The following COPB1 variants were observed in gnomAD, a reference collection of about 807,000 sequenced individuals.
COPB1 encodes the protein coatomer subunit beta.
Under a neutral mutation model 108.7 loss-of-function variants are expected in COPB1, and 21 were observed. The observed-to-expected ratio is 0.19, with a 90% CI of 0.14 to 0.28. The LOEUF (loss-of-function observed/expected upper bound fraction) is 0.28, where lower values mean the gene tolerates loss of function less well. Among genes scored for constraint, COPB1 ranks in the 10% least tolerant of loss-of-function variants. The pLI is 1.00. For synonymous variants in COPB1, 378 were observed against 386.8 expected, an observed-to-expected ratio of 0.98 and a Z score of 0.27; for missense variants, 919 against 1,141.3, an observed-to-expected ratio of 0.81 and a Z score of 2.81.
chr11:14,494,163 C>T lies in COPB1; in HGVS notation c.321+47G>A, dbSNP rs779975585. The T allele has an allele frequency of 3.0e-6, 4 of 1,319,170 alleles. No homozygotes were observed. The African/African-American group carries it at 5.9e-5, about 19-fold the overall frequency. 81.7% of individuals were successfully genotyped at this position (1,319,170 alleles called of 1,614,324 possible). A position where few individuals can be genotyped will look rare whatever the true frequency, so the allele number is the denominator to read the frequency against. ...AACACAGCCCATTCTACCAATTTTACATTTAAATTCAAAGCAATATTCAGA... is the reference window on the plus strand; with the variant it reads ...AACACAGCCCATTCTACCAATTTTATATTTAAATTCAAAGCAATATTCAGA... On this transcript the variant is annotated intron_variant, in intron 3 of 21. Coordinates refer to ENST00000439561, the MANE Select transcript of COPB1 (RefSeq NM_001144061.2).
At chr11:14,471,780 G>A (rs1850408510) in intron 14 of COPB1, among the ~76,000 whole-genome samples, 1 of 152,128 alleles carries the variant, frequency 6.6e-6, no homozygotes, top group South Asian at 2.1e-4. Flanking sequence ...AAATTAGACA[G>A]GCGTGGTGGC....
intron 4 of COPB1, among the ~76,000 whole-genome samples, chr11:14,492,600 C>T (rs1423800858): frequency 1.3e-5 from 2 of 151,942 alleles, no homozygotes; most frequent in Non-Finnish European, 2.9e-5. Flanking sequence ...GCCTCGGCCT[C>T]CCAAAGTGCT....
intron 6 of COPB1, among the ~76,000 whole-genome samples, chr11:14,487,537 C>G (rs373265032): frequency 6.6e-6 from 1 of 151,694 alleles, no homozygotes; most frequent in Non-Finnish European, 1.5e-5. Context: ...TAGCTGGATA[C>G]GGTGGCGTGC....
intron 2 of COPB1, among the ~76,000 whole-genome samples, chr11:14,498,098 C>A (rs746721576): frequency 6.6e-6 from 1 of 151,956 alleles, no homozygotes; most frequent in Non-Finnish European, 1.5e-5. Flanking sequence ...GAGTTAGACC[C>A]GATATTTGAT....
rs371443706 is a variant in COPB1 at position 14,488,601 on chromosome 11, T to C, written c.607-17A>G. 5.2e-5 allele frequency: 80 copies of C among 1,543,520 alleles called. No homozygotes were observed. Among genetic ancestry groups the C allele is most frequent in the South Asian group, 5.1e-4 (44 of 85,938 alleles). On this transcript the variant is annotated splice_polypyrimidine_tract_variant and intron_variant, in intron 5 of 21. Transcript: ENST00000439561. ...AGCTCGATCCTAAAAAAAATAAGAA[T>C]ATATTTATCATTCTCCACCTCATTC...
At position 14,479,707 on chromosome 11, in the gene COPB1, T is replaced by G; in HGVS notation, c.1220A>C (p.Glu407Ala). Residue 407 changes from glutamate to alanine, a missense_variant, in exon 11 of 22, where the codon GAA becomes GCA. Physicochemically the swap from Glu to Ala is moderately radical, Grantham distance 107. Transcript: ENST00000439561. ...MAANVIPVLM[E>A]FLSDNNEAAA... ...TGCTTCGTTGTTGTCACTGAGAAATTCCATTAACTAAAAGAAAAAAAAAAA... is the reference window on the plus strand; with the variant it reads ...TGCTTCGTTGTTGTCACTGAGAAATGCCATTAACTAAAAGAAAAAAAAAAA... 1 of 1,563,488 alleles carries G rather than the reference T, an allele frequency of 6.4e-7. No individual in the cohort carries two copies. The highest frequency in any genetic ancestry group is 8.6e-7 in the Non-Finnish European group (1 of 1,162,426).
rs573153365 is a variant in COPB1 at position 14,483,223 on chromosome 11, G to A, written c.838-72C>T. 62 of 938,452 alleles carry A rather than the reference G, an allele frequency of 6.6e-5. 1 individual carries two copies. The highest frequency in any genetic ancestry group is 1.0e-4 in the African/African-American group (5 of 49,768). The allele number at this position is 938,452 out of a possible 1,614,324, so 58.1% of individuals were successfully genotyped here. On this transcript the variant is annotated intron_variant, in intron 7 of 21. Coordinates refer to ENST00000439561, the MANE Select transcript of COPB1 (RefSeq NM_001144061.2). ...AAAATTTGAAAATAAGCATGCGCGC[G>A]CACACCACACACACACACACACACA...
Position 14,460,309 on chromosome 11 carries a change from A to G in COPB1, c.2557-12T>C, listed in dbSNP as rs778452025. The G allele has an allele frequency of 4.0e-6, 6 of 1,515,752 alleles. No individual in the cohort carries two copies. The South Asian group carries it at 4.7e-5, about 12-fold the overall frequency. 93.9% of individuals were successfully genotyped at this position (1,515,752 alleles called of 1,614,324 possible). A position where few individuals can be genotyped will look rare whatever the true frequency, so the allele number is the denominator to read the frequency against. ...GTGTTAACTGTCACCTGTAGAGAGG[A>G]AAAAAAAGTCAAGGAGATCATAAAT... On this transcript the variant is annotated splice_polypyrimidine_tract_variant and intron_variant, in intron 19 of 21. Coordinates refer to ENST00000439561, the MANE Select transcript of COPB1 (RefSeq NM_001144061.2).
Position 14,494,415 on chromosome 11 carries a change from G to C in COPB1, c.116C>G (p.Thr39Ser). 1 of 1,582,940 alleles carries C rather than the reference G, an allele frequency of 6.3e-7. No individual in the cohort carries two copies. The highest frequency in any genetic ancestry group is 8.6e-7 in the Non-Finnish European group (1 of 1,159,492). ...DLEKGDVKSK[T>S]EALKKVIIMI... is the part of the protein sequence containing the mutation. Reference sequence around the variant, plus strand: ...AATGATTACTTTCTTCAAAGCTTCAGTCTTTGACTTTACATCTCCTTTTTC... The same window carrying C: ...AATGATTACTTTCTTCAAAGCTTCACTCTTTGACTTTACATCTCCTTTTTC... The change falls in exon 3 of 22, where the codon ACT becomes AGT. Residue 39 changes from threonine to serine, a missense_variant. This residue lies in a region of COPB1 where 92 missense variants were observed against 108.4 expected (regional missense o/e 0.85). Transcript: ENST00000439561.
chr11:14,461,150 G>T, intron 19 of COPB1, 36 bp downstream of exon 19: 1 of 1,613,418 alleles, frequency 6.2e-7, no homozygotes, highest in South Asian at 1.1e-5. Flanking sequence ...AAGGAAGAAA[G>T]ATAAAGGAAT....
chr11:14,464,634 T>C (rs1187899188), intron 18 of COPB1, among the ~76,000 whole-genome samples: 1 of 152,082 alleles, frequency 6.6e-6, no homozygotes, highest in Non-Finnish European at 1.5e-5. Context: ...TCAAAGCATA[T>C]GGTATATAAA....
chr11:14,469,350 T>C lies in COPB1; in HGVS notation c.1951A>G (p.Lys651Glu), dbSNP rs1477900571. The C allele has an allele frequency of 6.2e-7, 1 of 1,613,828 alleles. No homozygotes were observed. Among genetic ancestry groups the C allele is most frequent in the Non-Finnish European group, 8.5e-7 (1 of 1,179,768 alleles). ...HMLSAKLEEE[K>E]LSQKKESEKR... ...ATATACCTTACCTTTTGGGATAATT[T>C]CTCTTCTTCTAGTTTAGCAGATAAC... Residue 651 changes from lysine to glutamate, a missense_variant, in exon 15 of 22, where the codon AAA (lysine) becomes GAA (glutamate). Around this residue, in one of 5 missense-constraint regions of COPB1, gnomAD observed 705 missense variants for 817.8 expected, o/e 0.86. Coordinates refer to ENST00000439561, the MANE Select transcript of COPB1 (RefSeq NM_001144061.2).
At chr11:14,471,152 T>A (rs1318337601) in intron 14 of COPB1, among the ~76,000 whole-genome samples, 1 of 152,204 alleles carries the variant, frequency 6.6e-6, no homozygotes, top group Non-Finnish European at 1.5e-5. Flanking sequence ...CCAACAAATC[T>A]GCACTATAAG....
chr11:14,486,225 TA>T, intron 7 of COPB1, 141 bp downstream of exon 7: 1 of 939,314 alleles, frequency 1.1e-6, no homozygotes, highest in Non-Finnish European at 1.6e-6. Flanking sequence ...CTGAACAATG[TA>T]AGGCATCAAA....
At chr11:14,483,228 C>CA in intron 7 of COPB1, 77 bp from the exon 8 acceptor site, 1 of 502,834 alleles carries the variant, frequency 2.0e-6, no homozygotes, top group African/African-American at 1.9e-5. Flanking sequence ...CGCGCGCACA[C>CA]CACACACACA....
chr11:14,499,306 A>T (rs927175414), intron 1 of COPB1, among the ~76,000 whole-genome samples: 38 of 152,230 alleles, frequency 2.5e-4, no homozygotes, highest in Non-Finnish European at 4.4e-4. Flanking sequence ...CTGCATGCTC[A>T]AGTTAAGAGA....
At chr11:14,492,820 T>C (rs1159815586) in intron 4 of COPB1, among the ~76,000 whole-genome samples, 1 of 152,196 alleles carries the variant, frequency 6.6e-6, no homozygotes, top group Non-Finnish European at 1.5e-5. Flanking sequence ...CATTCTAGCT[T>C]CATCTAACTG....
intron 14 of COPB1, among the ~76,000 whole-genome samples, chr11:14,471,976 T>C (rs746451956): frequency 6.6e-6 from 1 of 152,100 alleles, no homozygotes; most frequent in Non-Finnish European, 1.5e-5. Context: ...GAAGGAAATA[T>C]GAGTGATGTG....
chr11:14,488,630 A>T, intron 5 of COPB1, 46 bp from the exon 6 acceptor site: 1 of 1,296,140 alleles, frequency 7.7e-7, no homozygotes, highest in Non-Finnish European at 1.1e-6. Flanking sequence ...CTCATTCAAT[A>T]GAAGGACTTA....
Sources: gnomAD v4.1 joint callset for allele counts (sites outside exome capture counted in the v4.1 genomes callset) on GRCh38, gnomAD v4.1.1 for gene constraint, gnomAD v4.1.1 regional missense constraint, MANE v1.5 for transcripts, NCBI Gene and HGNC (gene_info 2026-07-23, HGNC 2026-07-21) for gene names.